Variants in SMPX observed in about 807,000 individuals in gnomAD.
SMPX encodes small muscular protein.
A neutral mutation model predicts 6.3 loss-of-function variants in SMPX; 2 were observed. The ratio of observed to expected loss-of-function variants is 0.32; its 90% CI spans 0.13 to 0.99. The LOEUF (loss-of-function observed/expected upper bound fraction) is 0.99. Ranked by LOEUF, SMPX falls within the 50% of genes least tolerant of loss-of-function variation. The pLI is 0.49. For synonymous variants in SMPX, 32 were observed against 24.7 expected (o/e 1.30, Z -0.88); for missense variants, 60 against 66.8 (o/e 0.90, Z 0.36).
chrX:21,733,988 GC>G (rs1489270071), intron 4 of SMPX, among the ~76,000 whole-genome samples: 1 of 111,435 alleles, frequency 9.0e-6, no homozygotes, highest in African/African-American at 3.3e-5. Flanking sequence ...TCATACCTTA[GC>G]CCCTCAAAAG....
At chrX:21,751,197 A>C (rs986497067) in intron 2 of SMPX, among the ~76,000 whole-genome samples, 1 of 112,456 alleles carries the variant, frequency 8.9e-6, no homozygotes, top group African/African-American at 3.2e-5. Flanking sequence ...TGTTTAGAAA[A>C]CATTGCATAT....
chrX:21,745,387 C>A (rs1193007244), intron 2 of SMPX, among the ~76,000 whole-genome samples: 1 of 111,437 alleles, frequency 9.0e-6, no homozygotes, highest in East Asian at 2.8e-4. Flanking sequence ...AATATGGAGC[C>A]ATACTTCATG....
intron 2 of SMPX, among the ~76,000 whole-genome samples, chrX:21,749,459 C>A (rs1317713144): frequency 8.9e-6 from 1 of 111,943 alleles, no homozygotes. Flanking sequence ...AATTGCCTCT[C>A]AAGTAGCCTT....
intron 3 of SMPX, among the ~76,000 whole-genome samples, chrX:21,741,953 A>G (rs1272677783): frequency 8.9e-6 from 1 of 112,323 alleles, no homozygotes; most frequent in Non-Finnish European, 1.9e-5. Flanking sequence ...AATGCACTGC[A>G]ACCAACAGAT....
At chrX:21,724,806 G>T (rs2092795215) in intron 4 of SMPX, among the ~76,000 whole-genome samples, 1 of 112,337 alleles carries the variant, frequency 8.9e-6, no homozygotes, top group Non-Finnish European at 1.9e-5. Flanking sequence ...AGTCATGTGA[G>T]ATTGAACTGC....
At chrX:21,726,669 C>A (rs1195397037) in intron 4 of SMPX, among the ~76,000 whole-genome samples, 2 of 111,913 alleles carry the variant, frequency 1.8e-5, no homozygotes, top group Non-Finnish European at 3.8e-5. Context: ...TGGTCTCAAG[C>A]CCCTGAATGC....
At chrX:21,730,143 T>C (rs903547974) in intron 4 of SMPX, among the ~76,000 whole-genome samples, 2 of 112,062 alleles carry the variant, frequency 1.8e-5, no homozygotes, top group Non-Finnish European at 3.8e-5. Context: ...AGCTCTGTAA[T>C]TGGGTCAAAG....
chrX:21,756,132 T>C (rs2092832650), intron 1 of SMPX, among the ~76,000 whole-genome samples: 1 of 112,356 alleles, frequency 8.9e-6, no homozygotes. Flanking sequence ...TATCTCAGCA[T>C]ATGGTATTCT....
intron 4 of SMPX, among the ~76,000 whole-genome samples, chrX:21,729,256 C>T (rs2092800762): frequency 1.8e-5 from 2 of 112,860 alleles, no homozygotes; most frequent in Non-Finnish European, 1.9e-5. Context: ...ACGTGCAATG[C>T]ATTGATTGCT....
intron 4 of SMPX, among the ~76,000 whole-genome samples, chrX:21,712,789 T>C (rs974677508): frequency 1.6e-4 from 18 of 112,222 alleles, no homozygotes; most frequent in African/African-American, 5.5e-4. Flanking sequence ...GTTCTCAGCT[T>C]TTCCAAAGAT....
chrX:21,707,106 C>G (rs1159574348), intron 4 of SMPX, among the ~76,000 whole-genome samples: 1 of 108,390 alleles, frequency 9.2e-6, no homozygotes, highest in African/African-American at 3.4e-5. Flanking sequence ...CATCACCCCC[C>G]ACCCCAAGCC....
chrX:21,755,412 C>T (rs2092831789), intron 1 of SMPX, among the ~76,000 whole-genome samples: 2 of 112,572 alleles, frequency 1.8e-5, no homozygotes, highest in Non-Finnish European at 3.8e-5. Flanking sequence ...CCCATTTCCT[C>T]TTCTTTAAAT....
At position 21,711,985 on chromosome X, in the gene SMPX, G is replaced by A. The variant is rs1331860650; in HGVS notation, c.*15-5591C>T. ...TTTACAGAGCACATTCACACATATTGTCCCTTTTACTCATCAGGACCACAC... is the reference window on the plus strand; with the variant it reads ...TTTACAGAGCACATTCACACATATTATCCCTTTTACTCATCAGGACCACAC... On this transcript the variant is annotated intron_variant, in intron 4 of 4. Transcript: ENST00000379494. Among the ~76,000 whole-genome samples the A allele has an allele frequency of 4.5e-5, 5 of 111,673 alleles. No homozygotes were observed. In the Admixed American group the frequency reaches 4.8e-4, roughly 11 times the overall value.
At chrX:21,712,672 T>C (rs776873537) in intron 4 of SMPX, among the ~76,000 whole-genome samples, 2 of 111,534 alleles carry the variant, frequency 1.8e-5, no homozygotes, top group Non-Finnish European at 3.8e-5. Flanking sequence ...ACCGACTTCA[T>C]TGGAGAAATA....
intron 4 of SMPX, among the ~76,000 whole-genome samples, chrX:21,734,451 G>A (rs1328896294): frequency 4.5e-5 from 5 of 111,872 alleles, no homozygotes; most frequent in Non-Finnish European, 1.9e-5. Flanking sequence ...AGGATTGGAA[G>A]TATTGGAGGA....
chrX:21,719,387 G>A (rs992111237), intron 4 of SMPX, among the ~76,000 whole-genome samples: 2 of 110,390 alleles, frequency 1.8e-5, no homozygotes, highest in African/African-American at 3.3e-5. Flanking sequence ...ATGTGGTGAC[G>A]CACGCCTGTA....
chrX:21,756,307 T>A (rs1174513806), intron 1 of SMPX, among the ~76,000 whole-genome samples: 2 of 112,477 alleles, frequency 1.8e-5, no homozygotes, highest in Admixed American at 1.9e-4. Flanking sequence ...TGTATTTTTT[T>A]AAAAACCAAT....
chrX:21,719,515 C>CA (rs371629683), intron 4 of SMPX, among the ~76,000 whole-genome samples: 3,333 of 81,436 alleles, frequency 0.041, 162 homozygotes, highest in African/African-American at 0.13. Flanking sequence ...GAGATTCCAT[C>CA]AAAAAAAAAA....
intron 1 of SMPX, among the ~76,000 whole-genome samples, chrX:21,755,275 G>C (rs1423691421): frequency 2.7e-5 from 3 of 112,700 alleles, no homozygotes; most frequent in Non-Finnish European, 5.6e-5. Flanking sequence ...CTGTACAACA[G>C]GTTGATTGAG....
Sources: gnomAD v4.1 joint callset for allele counts (sites outside exome capture counted in the v4.1 genomes callset) on GRCh38, gnomAD v4.1.1 for gene constraint, MANE v1.5 for transcripts, NCBI Gene and HGNC (gene_info 2026-07-23, HGNC 2026-07-21) for gene names.